MGAT4C: variants seen among roughly 807,000 people sequenced by gnomAD.
The protein encoded by MGAT4C is alpha-1,3-mannosyl-glycoprotein 4-beta-N-acetylglucosaminyltransferase C.
Under a neutral mutation model 40.1 loss-of-function variants are expected in MGAT4C, and 19 were observed. The observed-to-expected ratio is 0.47, with a 90% CI of 0.33 to 0.70. The LOEUF is 0.70. Ranked by LOEUF, MGAT4C falls within the 30% of genes least tolerant of loss-of-function variation. The pLI, the probability that MGAT4C is intolerant of heterozygous loss-of-function variation, is 0.02. For synonymous variants in MGAT4C, 181 were observed against 187.1 expected, an observed-to-expected ratio of 0.97 and a Z score of 0.27; for missense variants, 491 against 563.2, an observed-to-expected ratio of 0.87 and a Z score of 1.30.
intron 2 of MGAT4C, among the ~76,000 whole-genome samples, chr12:86,682,919 T>C (rs1216081758): frequency 6.6e-6 from 1 of 152,206 alleles, no homozygotes; most frequent in Non-Finnish European, 1.5e-5. Context: ...TAAAACATTG[T>C]TTTTATCTAT....
intron 2 of MGAT4C, among the ~76,000 whole-genome samples, chr12:86,521,974 G>C (rs149766406): frequency 3.9e-5 from 6 of 152,214 alleles, no homozygotes; most frequent in African/African-American, 1.4e-4. Context: ...GTTTGTTAAA[G>C]TTATTTATTA....
At position 85,979,166 on chromosome 12, in the gene MGAT4C, T is replaced by C. The variant is rs571819913; in HGVS notation, c.*123A>G. 1 of 716,918 alleles carries C rather than the reference T, an allele frequency of 1.4e-6. No homozygotes were observed. Among genetic ancestry groups the C allele is most frequent in the African/African-American group, 1.8e-5 (1 of 55,858 alleles). The allele number at this position is 716,918 out of a possible 1,614,324, so 44.4% of individuals were successfully genotyped here. A position where few individuals can be genotyped will look rare whatever the true frequency, so the allele number is the denominator to read the frequency against. ...ATGTCAACAATGTATAAATGAAAAC[T>C]GCCAATGTAATTAATGTTTCTTTTA... On this transcript the variant is annotated 3_prime_UTR_variant, in exon 5 of 5. Transcript: ENST00000611864.
rs775576497 is a variant in MGAT4C, at chr12:86,467,676, TTTGA to T, written c.-228-32415_-228-32412del. On this transcript the variant is annotated intron_variant, in intron 2 of 7. Coordinates refer to the MGAT4C transcript ENST00000548651. ...GACAATTTAATGAATTGATAACAGC[TTTGA>T]TTGAGAAATGTTTATCCTTTTTACT... Among the ~76,000 whole-genome samples, 19 of 152,276 alleles carry T rather than the reference TTTGA, an allele frequency of 1.2e-4. 1 individual carries two copies. In the East Asian group the frequency reaches 2.1e-3, roughly 17 times the overall value.
intron 1 of MGAT4C, among the ~76,000 whole-genome samples, chr12:86,774,281 C>CTCTTTCTT (rs6144795): frequency 0.032 from 1,857 of 58,880 alleles, 194 homozygotes; most frequent in African/African-American, 0.076. Flanking sequence ...CTAAGGCTTG[C>CTCTTTCTT]TCTTTCTTTC....
intron 4 of MGAT4C, among the ~76,000 whole-genome samples, chr12:86,291,823 G>GTGTT (rs3075970): frequency 0.85 from 129,151 of 151,770 alleles, 55,016 homozygotes; most frequent in East Asian, 0.95. Flanking sequence ...ACTGAATACT[G>GTGTT]TGAATAGGAT....
At chr12:86,469,136 T>G (rs1957722852) in intron 2 of MGAT4C, among the ~76,000 whole-genome samples, 1 of 152,150 alleles carries the variant, frequency 6.6e-6, no homozygotes, top group African/African-American at 2.4e-5. Context: ...TGTTGAAATA[T>G]ACACACCTGC....
intron 2 of MGAT4C, among the ~76,000 whole-genome samples, chr12:86,488,639 A>G (rs941012501): frequency 6.6e-6 from 1 of 152,120 alleles, no homozygotes; most frequent in African/African-American, 2.4e-5. Context: ...TCTCCCAATA[A>G]GAACCTCAAT....
At chr12:86,312,912 C>A (rs182994826) in intron 4 of MGAT4C, among the ~76,000 whole-genome samples, 2 of 152,074 alleles carry the variant, frequency 1.3e-5, no homozygotes, top group Non-Finnish European at 2.9e-5. Flanking sequence ...AAGAACTGAG[C>A]CCCAAGCATA....
chr12:86,601,299 G>A (rs1426490922), intron 2 of MGAT4C: 2 of 152,154 alleles, frequency 1.3e-5, no homozygotes, highest in African/African-American at 4.8e-5. Context: ...CCGGGAGTGA[G>A]AATTTTTTTT....
Position 85,960,498 on chromosome 12 carries a change from G to A in MGAT4C, c.*18791C>T, listed in dbSNP as rs1287712564. On this transcript the variant is annotated 3_prime_UTR_variant, in exon 5 of 5. Transcript: ENST00000611864. ...AAATGTAAAACAACAATTAGCATGT[G>A]ACATGCTCTCAGCAAATCAATTAAT... The A allele has an allele frequency of 6.6e-6, 1 of 151,982 alleles. No individual in the cohort carries two copies. Among genetic ancestry groups the A allele is most frequent in the Non-Finnish European group, 1.5e-5 (1 of 67,898 alleles). 9.4% of individuals were successfully genotyped at this position (151,982 alleles called of 1,614,324 possible).
intron 1 of MGAT4C, among the ~76,000 whole-genome samples, chr12:86,738,445 T>G (rs2136127244): frequency 6.6e-6 from 1 of 151,546 alleles, no homozygotes; most frequent in Non-Finnish European, 1.5e-5. Flanking sequence ...CCTTCTAGAA[T>G]AAATATCTTC....
chr12:86,385,954 G>A (rs945179676), intron 3 of MGAT4C, among the ~76,000 whole-genome samples: 2 of 151,582 alleles, frequency 1.3e-5, no homozygotes, highest in African/African-American at 4.8e-5. Context: ...TTTTTGAGAC[G>A]GAGTCTCGCT....
chr12:86,599,629 G>C (rs1961688726), intron 2 of MGAT4C: 1 of 152,096 alleles, frequency 6.6e-6, no homozygotes, highest in South Asian at 2.1e-4. Flanking sequence ...GCTCACAGCA[G>C]GGTGGTGGGG....
At chr12:86,614,650 T>A (rs867312164) in intron 2 of MGAT4C, among the ~76,000 whole-genome samples, 50 of 151,286 alleles carry the variant, frequency 3.3e-4, no homozygotes, top group Middle Eastern at 3.4e-3. Context: ...TTTGCAAAAA[T>A]ATATATATAT....
chr12:86,837,256 T>G (rs1253321681), intron 1 of MGAT4C, among the ~76,000 whole-genome samples: 2 of 152,142 alleles, frequency 1.3e-5, no homozygotes, highest in Non-Finnish European at 2.9e-5. Flanking sequence ...CCTGTAAAGT[T>G]CATGAAAAAA....
At chr12:86,751,425 A>G (rs1334351848) in intron 1 of MGAT4C, among the ~76,000 whole-genome samples, 11 of 151,926 alleles carry the variant, frequency 7.2e-5, no homozygotes, top group Non-Finnish European at 1.6e-4. Flanking sequence ...TCCTATGAAG[A>G]TGTAAAATTA....
upstream of MGAT4C, chr12:86,838,825 C>T (rs190626833): frequency 2.7e-4 from 41 of 152,326 alleles, no homozygotes; most frequent in African/African-American, 9.4e-4. Flanking sequence ...TGGAATGTGA[C>T]AGCTCTCTAG....
chr12:86,187,049 A>T (rs1202456315), intron 1 of MGAT4C, among the ~76,000 whole-genome samples: 2 of 152,136 alleles, frequency 1.3e-5, no homozygotes, highest in African/African-American at 2.4e-5. Context: ...GATAATTCAA[A>T]GTGTATAGGC....
rs1955775417 is a variant in MGAT4C, at chr12:86,374,075, T to A, written c.-119-39948A>T. Among the ~76,000 whole-genome samples the A allele has an allele frequency of 1.3e-5, 2 of 152,078 alleles. 1 individual carries two copies. The highest frequency in any genetic ancestry group is 2.9e-5 in the Non-Finnish European group (2 of 67,952). On this transcript the variant is annotated intron_variant, in intron 3 of 7. Coordinates refer to the MGAT4C transcript ENST00000548651. ...AAAGTCTAGAGAATCGAGATGTTTG[T>A]AGGTTATTTAGCCTATCTAATGGCT...
Sources: allele counts gnomAD v4.1 joint callset (sites outside exome capture counted in the v4.1 genomes callset), GRCh38; gene constraint gnomAD v4.1.1; transcripts MANE v1.5; gene names NCBI Gene and HGNC (gene_info 2026-07-23, HGNC 2026-07-21).